NELL1: variants seen among roughly 807,000 people sequenced by gnomAD.
NELL1 encodes neural EGFL like 1.
NELL1 carries 76 observed loss-of-function variants against 107.4 expected under a neutral mutation model. That is an observed-to-expected ratio of 0.71 (90% CI 0.59 to 0.86). The LOEUF (loss-of-function observed/expected upper bound fraction) is 0.86, where lower values mean the gene tolerates loss of function less well. Among genes scored for constraint, NELL1 ranks in the 40% least tolerant of loss-of-function variants. The pLI, the probability that NELL1 is intolerant of heterozygous loss-of-function variation, is 0.00. For missense variants in NELL1, 1,024 were observed against 1,005.5 expected, an observed-to-expected ratio of 1.02 and a Z score of -0.25; for synonymous variants, 353 against 341.2, an observed-to-expected ratio of 1.03 and a Z score of -0.38.
intron 15 of NELL1, among the ~76,000 whole-genome samples, chr11:21,441,082 C>A (rs983975564): frequency 1.3e-5 from 2 of 152,012 alleles, no homozygotes; most frequent in African/African-American, 4.8e-5. Flanking sequence ...ATTATTAAAC[C>A]TCTTTAATCT....
At chr11:20,679,266 C>A (rs138058464) in intron 2 of NELL1, among the ~76,000 whole-genome samples, 277 of 152,236 alleles carry the variant, frequency 1.8e-3, no homozygotes, top group Non-Finnish European at 3.2e-3. Context: ...AGAAGTGGGG[C>A]CTTTGTAGAG....
At chr11:21,119,093 A>T (rs562322089) in intron 13 of NELL1, among the ~76,000 whole-genome samples, 1 of 151,956 alleles carries the variant, frequency 6.6e-6, no homozygotes, top group Non-Finnish European at 1.5e-5. Context: ...AAATGAGAAA[A>T]CTCAAATGTT....
At chr11:21,364,725 AAAT>A in intron 14 of NELL1, among the ~76,000 whole-genome samples, 1 of 152,308 alleles carries the variant, frequency 6.6e-6, no homozygotes, top group Non-Finnish European at 1.5e-5. Context: ...TGACTAACTC[AAAT>A]AATAGACAGG....
intron 2 of NELL1, chr11:20,770,918 T>G (rs762964485): frequency 2.0e-5 from 3 of 151,810 alleles, no homozygotes; most frequent in Non-Finnish European, 2.9e-5. Context: ...GCTCCTGTAT[T>G]ATTTATTTGG....
chr11:20,934,019 C>T (rs1850671669), intron 9 of NELL1, among the ~76,000 whole-genome samples: 1 of 152,138 alleles, frequency 6.6e-6, no homozygotes, highest in Admixed American at 6.5e-5. Context: ...TTTCTAATCA[C>T]CCTGAAAGAT....
At chr11:21,037,381 CAAAT>C (rs1156862010) in intron 12 of NELL1, among the ~76,000 whole-genome samples, 1 of 152,066 alleles carries the variant, frequency 6.6e-6, no homozygotes, top group Non-Finnish European at 1.5e-5. Flanking sequence ...TCACTCTACA[CAAAT>C]AAATAAATTT....
At chr11:21,112,471 C>A (rs562408633) in intron 12 of NELL1, among the ~76,000 whole-genome samples, 1 of 152,010 alleles carries the variant, frequency 6.6e-6, no homozygotes, top group Non-Finnish European at 1.5e-5. Flanking sequence ...TTTCAAGAAG[C>A]TTTCATGAAG....
chr11:20,944,252 G>A (rs540946038), intron 10 of NELL1, among the ~76,000 whole-genome samples: 1 of 152,072 alleles, frequency 6.6e-6, no homozygotes, highest in Non-Finnish European at 1.5e-5. Flanking sequence ...TCATTTTAAA[G>A]CTTCAGCAAC....
intron 12 of NELL1, among the ~76,000 whole-genome samples, chr11:21,004,816 T>C (rs1410481894): frequency 6.6e-6 from 1 of 152,120 alleles, no homozygotes; most frequent in Non-Finnish European, 1.5e-5. Context: ...TGGCTGCAAT[T>C]TGTAAGACAT....
intron 14 of NELL1, among the ~76,000 whole-genome samples, chr11:21,266,190 T>A (rs1284466872): frequency 7.9e-6 from 1 of 125,976 alleles, no homozygotes; most frequent in Non-Finnish European, 1.9e-5. Context: ...TCCATTTAGG[T>A]ATTTTTTTTT....
chr11:21,424,974 GCCA>G (rs988357082), intron 15 of NELL1, among the ~76,000 whole-genome samples: 7 of 152,094 alleles, frequency 4.6e-5, no homozygotes, highest in Non-Finnish European at 8.8e-5. Flanking sequence ...GCCAGACCAA[GCCA>G]TTACAAGACA....
intron 2 of NELL1, among the ~76,000 whole-genome samples, chr11:20,753,070 G>A (rs1856179028): frequency 1.3e-5 from 2 of 152,160 alleles, no homozygotes; most frequent in Non-Finnish European, 2.9e-5. Flanking sequence ...AAAAAATTAA[G>A]CCCTAATTTG....
chr11:20,782,867 G>T (rs999510352), intron 2 of NELL1, among the ~76,000 whole-genome samples: 4 of 152,152 alleles, frequency 2.6e-5, no homozygotes, highest in African/African-American at 7.2e-5. Context: ...CATGACAAGG[G>T]TGAGTCTGGG....
chr11:20,794,178 G>T (rs1857127629), intron 3 of NELL1, among the ~76,000 whole-genome samples: 1 of 152,120 alleles, frequency 6.6e-6, no homozygotes. Flanking sequence ...CCATTTCATT[G>T]AACAGTACTG....
chr11:20,832,839 C>T (rs916133359), intron 3 of NELL1, among the ~76,000 whole-genome samples: 2 of 152,066 alleles, frequency 1.3e-5, no homozygotes, highest in African/African-American at 4.8e-5. Flanking sequence ...CAGAAGCAGC[C>T]ACTAGAACAC....
intron 13 of NELL1, 52 bp downstream of exon 13, chr11:21,113,766 A>G (rs541592272): frequency 3.2e-6 from 5 of 1,585,090 alleles, no homozygotes; most frequent in Admixed American, 3.5e-5. Context: ...TCTCTGCACC[A>G]TGTCTGTGTT....
intron 13 of NELL1, among the ~76,000 whole-genome samples, chr11:21,200,394 G>A (rs973173082): frequency 1.1e-4 from 16 of 152,148 alleles, no homozygotes; most frequent in Admixed American, 2.0e-4. Context: ...CTCTAATGAC[G>A]AGTGATGATG....
At chr11:20,888,007 GA>G (rs1369725031) in intron 5 of NELL1, among the ~76,000 whole-genome samples, 1 of 151,944 alleles carries the variant, frequency 6.6e-6, no homozygotes, top group East Asian at 1.9e-4. Flanking sequence ...TAAAATGTTT[GA>G]AGAATCAAAA....
At chr11:21,182,684 A>C (rs918010786) in intron 13 of NELL1, among the ~76,000 whole-genome samples, 49 of 151,704 alleles carry the variant, frequency 3.2e-4, no homozygotes, top group Non-Finnish European at 2.5e-4. Flanking sequence ...AAGAGGTTGG[A>C]ATTATTAATA....
Sources: gnomAD v4.1 joint callset for allele counts (sites outside exome capture counted in the v4.1 genomes callset) on GRCh38, gnomAD v4.1.1 for gene constraint, MANE v1.5 for transcripts, NCBI Gene and HGNC (gene_info 2026-07-23, HGNC 2026-07-21) for gene names.